The following DYNC1H1 variants were observed in gnomAD, a reference collection of about 807,000 sequenced individuals.
DYNC1H1 encodes cytoplasmic dynein 1 heavy chain 1.
A neutral mutation model predicts 527.1 loss-of-function variants in DYNC1H1; 51 were observed. The observed-to-expected ratio is 0.10, with a 90% CI of 0.08 to 0.12. The LOEUF is 0.12. Among genes scored for constraint, DYNC1H1 ranks in the 10% least tolerant of loss-of-function variants. DYNC1H1 has a pLI of 1.00. For synonymous variants in DYNC1H1, 2,189 were observed against 2,278.8 expected (o/e 0.96, Z 1.12); for missense variants, 2,771 against 5,971.8 (o/e 0.46, Z 17.66).
In DYNC1H1 at chr14:101,996,489, C is replaced by G. The variant is rs35091073; in HGVS notation, c.3565-546C>G. ...AGCCCAGCTCCACCTTGCTTTGTAT[C>G]CTGTCCGGGGCCATCCGGATGCAGT... On this transcript the variant is annotated intron_variant, in intron 15 of 77. Coordinates refer to ENST00000360184, the MANE Select transcript of DYNC1H1 (RefSeq NM_001376.5). Among the ~76,000 whole-genome samples, 1,380 of 152,238 alleles carry G rather than the reference C, an allele frequency of 9.1e-3. 15 individuals carry two copies. The highest frequency in any genetic ancestry group is 0.012 in the Non-Finnish European group (842 of 68,016).
At chr14:102,043,686 A>G (rs1041354613) in intron 69 of DYNC1H1, 189 bp from the exon 70 acceptor site, 1 of 689,758 alleles carries the variant, frequency 1.4e-6, no homozygotes, top group African/African-American at 1.8e-5. Context: ...TGATGGTCTC[A>G]TTGGATGACA....
At position 102,000,404 on chromosome 14, in the gene DYNC1H1, A is replaced by G. The variant is rs1567005739; in HGVS notation, c.4074+5A>G. On this transcript the variant is annotated splice_donor_5th_base_variant and intron_variant, in intron 18 of 77. Coordinates refer to ENST00000360184, the MANE Select transcript of DYNC1H1 (RefSeq NM_001376.5). Reference sequence around the variant, plus strand: ...GTTTCAGTACAGCCTCGAAAGGTATATCATGAAATCGGTGTTTGTGTACGT... The same window carrying G: ...GTTTCAGTACAGCCTCGAAAGGTATGTCATGAAATCGGTGTTTGTGTACGT... The G allele has an allele frequency of 1.9e-6, 3 of 1,613,586 alleles. No homozygotes were observed. The highest frequency in any genetic ancestry group is 2.5e-6 in the Non-Finnish European group (3 of 1,179,534).
chr14:101,992,924 C>T (rs1363587420), intron 11 of DYNC1H1, among the ~76,000 whole-genome samples: 2 of 152,184 alleles, frequency 1.3e-5, no homozygotes, highest in African/African-American at 4.8e-5. Context: ...CCTCTCCACT[C>T]CTGTGCACTC....
At position 101,986,577 on chromosome 14, in the gene DYNC1H1, C is replaced by T. The variant is rs149028205; in HGVS notation, c.2352C>T (p.Ser784=). 24 of 1,613,938 alleles carry T rather than the reference C, an allele frequency of 1.5e-5. No individual in the cohort carries two copies. The East Asian group carries it at 2.2e-4, about 15-fold the overall frequency. ...LYPFAISLIE[S]VRTYERTCEK... ...CGTTTGCCATCTCACTGATCGAGAG[C>T]GTTCGTACCTATGAACGGACCTGCG... The change falls in exon 8 of 78, where the codon AGC becomes AGT. Residue 784 remains serine (S), a synonymous_variant. Coordinates refer to ENST00000360184, the MANE Select transcript of DYNC1H1 (RefSeq NM_001376.5). The surrounding 1 kb of genome is among the most constrained non-coding windows in gnomAD (Gnocchi z 8.7).
Position 102,041,745 on chromosome 14 carries a change from G to A in DYNC1H1, c.12102+11G>A. On this transcript the variant is annotated intron_variant, in intron 65 of 77. Coordinates refer to ENST00000360184, the MANE Select transcript of DYNC1H1 (RefSeq NM_001376.5). The surrounding 1 kb of genome is among the most constrained non-coding windows in gnomAD (Gnocchi z 4.5). ...ATTGTGGGCACAGAGGTAATGTCCT[G>A]GTACAGCCCGGGCTTCCCACGAGAC... The A allele has an allele frequency of 6.2e-7, 1 of 1,613,864 alleles. No individual in the cohort carries two copies. The highest frequency in any genetic ancestry group is 1.7e-5 in the Admixed American group (1 of 60,018).
chr14:102,010,123 G>A lies in DYNC1H1; in HGVS notation c.6221+37G>A. The A allele has an allele frequency of 6.2e-7, 1 of 1,613,264 alleles. No individual in the cohort carries two copies. On this transcript the variant is annotated intron_variant, in intron 30 of 77. Transcript: ENST00000360184. The surrounding 1 kb of genome is among the most constrained non-coding windows in gnomAD (Gnocchi z 6.0). Reference sequence around the variant, plus strand: ...AGAATTCTTCATAATCATGTTTCTTGCATATGTTAAATGTGTCCATTTAAC... The same window carrying A: ...AGAATTCTTCATAATCATGTTTCTTACATATGTTAAATGTGTCCATTTAAC...
At position 101,983,115 on chromosome 14, in the gene DYNC1H1, T is replaced by C. The variant is rs2047887861; in HGVS notation, c.1058T>C (p.Ile353Thr). 6.2e-7 allele frequency: 1 copy of C among 1,614,050 alleles called. No individual in the cohort carries two copies. Among genetic ancestry groups the C allele is most frequent in the African/African-American group, 1.3e-5 (1 of 74,934 alleles). The change falls in exon 6 of 78, where the codon ATA (isoleucine) becomes ACA (threonine). Residue 353 changes from isoleucine to threonine, a missense_variant. This residue lies in a region of DYNC1H1 where 264 missense variants were observed against 619.4 expected (regional missense o/e 0.43). Transcript: ENST00000360184. The surrounding 1 kb of genome is among the most constrained non-coding windows in gnomAD (Gnocchi z 5.3). ...DLLSATELDK[I>T]RQALVAIFTH... is the part of the protein sequence containing the mutation. ...CTGTCTGCCACGGAGCTGGACAAAA[T>C]AAGACAGGCGCTTGTTGCCATTTTC...
intron 52 of DYNC1H1, 123 bp from the exon 53 acceptor site, chr14:102,032,942 C>T: frequency 1.0e-6 from 1 of 973,782 alleles, no homozygotes; most frequent in East Asian, 2.4e-5. Context: ...AGCTCATCCC[C>T]AGTGGTCAGT....
intron 72 of DYNC1H1, among the ~76,000 whole-genome samples, chr14:102,046,196 C>G (rs965187894): frequency 1.3e-5 from 2 of 152,022 alleles, no homozygotes; most frequent in Non-Finnish European, 2.9e-5. Context: ...ATGCGGGTTC[C>G]CAGGCCCTGC....
chr14:102,034,182 C>T lies in DYNC1H1; in HGVS notation c.10620C>T (p.Asn3540=). The change falls in exon 55 of 78, where the codon AAC becomes AAT. Residue 3540 remains asparagine, a synonymous_variant. Transcript: ENST00000360184. ...GGTCCCATCACCTACAGCAAGCCAA[C>T]ATCCAGGTGAGAATCACGGGGAGTT... ...TTWSHHLQQA[N]IQFRTDIART... is the part of the protein sequence containing the mutation. 2.5e-6 allele frequency: 4 copies of T among 1,614,228 alleles called. No individual in the cohort carries two copies. The highest frequency in any genetic ancestry group is 3.4e-6 in the Non-Finnish European group (4 of 1,180,044).
chr14:102,027,383 G>A lies in DYNC1H1; in HGVS notation c.8887G>A (p.Val2963Ile). The change falls in exon 46 of 78, where the codon GTC becomes ATC. Residue 2963 changes from valine to isoleucine, a missense_variant and splice_region_variant. Physicochemically the swap from Val to Ile is conservative, Grantham distance 29. Transcript: ENST00000360184. The surrounding 1 kb of genome is among the most constrained non-coding windows in gnomAD (Gnocchi z 7.7). ...MNGLSVYQIK[V>I]HRKYTGEDFD... ...ACCTAACTTGCCTCTGCTTCTGTAG[G>A]TCCATAGGAAGTACACAGGGGAAGA... The A allele has an allele frequency of 1.2e-6, 2 of 1,614,106 alleles. No individual in the cohort carries two copies. The highest frequency in any genetic ancestry group is 1.7e-6 in the Non-Finnish European group (2 of 1,180,026).
intron 72 of DYNC1H1, among the ~76,000 whole-genome samples, chr14:102,045,904 A>C (rs1250686355): frequency 1.3e-5 from 2 of 151,814 alleles, no homozygotes; most frequent in African/African-American, 4.8e-5. Flanking sequence ...CGGTGGCTCA[A>C]GCCTGTAATC....
chr14:101,977,425 T>G (rs993245008), intron 2 of DYNC1H1, among the ~76,000 whole-genome samples: 1 of 152,248 alleles, frequency 6.6e-6, no homozygotes, highest in Non-Finnish European at 1.5e-5. Context: ...CCTGAATCAT[T>G]TGACAGTTAG....
chr14:101,980,008 T>C lies in DYNC1H1; in HGVS notation c.774+34T>C, dbSNP rs182159325. The C allele has an allele frequency of 3.9e-5, 63 of 1,613,874 alleles. 1 individual carries two copies. In the Middle Eastern group the frequency reaches 1.6e-3, roughly 42 times the overall value. Reference sequence around the variant, plus strand: ...ACAGGATTGAAAGTTATGTAAAATATGTTACTCTTTAATATCTTTGGGAAA... The same window carrying C: ...ACAGGATTGAAAGTTATGTAAAATACGTTACTCTTTAATATCTTTGGGAAA... On this transcript the variant is annotated intron_variant, in intron 4 of 77. Transcript: ENST00000360184.
At chr14:101,972,663 G>A (rs1003303310) in intron 1 of DYNC1H1, among the ~76,000 whole-genome samples, 4 of 152,250 alleles carry the variant, frequency 2.6e-5, no homozygotes, top group Admixed American at 1.3e-4. Context: ...TGCTGTGTCC[G>A]GACTGCGCAA....
chr14:102,040,670 G>T lies in DYNC1H1; in HGVS notation c.11938G>T (p.Ala3980Ser), dbSNP rs756652501. Residue 3980 changes from alanine (A) to serine (S), a missense_variant, in exon 64 of 78, where the codon GCA becomes TCA. Ala to Ser is a moderately conservative substitution (Grantham distance 99, BLOSUM62 1). Around this residue, in one of 32 missense-constraint regions of DYNC1H1, gnomAD observed 120 missense variants for 161.9 expected, o/e 0.74. Coordinates refer to ENST00000360184, the MANE Select transcript of DYNC1H1 (RefSeq NM_001376.5). ...CTACCTCTGGAGTGAAGAAACACCT[G>T]CAAGTAAGCCCCACTGTGGTTTTCT... is the stretch of plus-strand genomic sequence containing the variant. ...VPYLWSEETPATPIGQAIHRL... is the reference protein window; with the variant it reads ...VPYLWSEETPSTPIGQAIHRL... The T allele has an allele frequency of 1.8e-5, 29 of 1,614,106 alleles. No homozygotes were observed. The highest frequency in any genetic ancestry group is 8.5e-7 in the Non-Finnish European group (1 of 1,180,052).
At chr14:102,047,641 G>A (rs530388722) in intron 72 of DYNC1H1, 176 bp from the exon 73 acceptor site, 8,310 of 311,346 alleles carry the variant, frequency 0.027, 353 homozygotes, top group African/African-American at 0.11. Flanking sequence ...GTGTGTGTGT[G>A]TATATATATA....
rs745770982 is a variant in DYNC1H1 at position 102,043,865 on chromosome 14, T to G, written c.12514-10T>G. The G allele has an allele frequency of 6.2e-7, 1 of 1,614,206 alleles. No individual in the cohort carries two copies. The highest frequency in any genetic ancestry group is 1.7e-5 in the Admixed American group (1 of 60,028). ...CTAATGACTCTGTGCTTGGTCACTT[T>G]CCTCACCAGTCTCCCAACGAGCGTG... On this transcript the variant is annotated splice_polypyrimidine_tract_variant and intron_variant, in intron 69 of 77. Transcript: ENST00000360184.
At chr14:101,976,987 C>T (rs2047808456) in intron 2 of DYNC1H1, among the ~76,000 whole-genome samples, 2 of 152,114 alleles carry the variant, frequency 1.3e-5, no homozygotes, top group Non-Finnish European at 2.9e-5. Context: ...AATACTGTGC[C>T]ATTTTATATA....
Sources: gnomAD v4.1 joint callset for allele counts (sites outside exome capture counted in the v4.1 genomes callset) on GRCh38, gnomAD v4.1.1 for gene constraint, gnomAD v4.1.1 regional missense constraint, Gnocchi (gnomAD v3.1) non-coding constraint, MANE v1.5 for transcripts, NCBI Gene and HGNC (gene_info 2026-07-23, HGNC 2026-07-21) for gene names.